Variants in RBMS2 observed in about 807,000 individuals in gnomAD.
The protein encoded by RBMS2 is RNA-binding motif, single-stranded-interacting protein 2.
A neutral mutation model predicts 58.4 loss-of-function variants in RBMS2; 38 were observed. The observed-to-expected ratio is 0.65, with a 90% CI of 0.50 to 0.85. The LOEUF (loss-of-function observed/expected upper bound fraction) is 0.85. RBMS2 is among the 40% of genes least tolerant of loss of function. The pLI is 0.00. For synonymous variants in RBMS2, 151 were observed against 180.7 expected (o/e 0.84, Z 1.32); for missense variants, 367 against 503.7 (o/e 0.73, Z 2.60).
At chr12:56,580,375 G>A (rs1486213656) in intron 5 of RBMS2, 3 of 335,086 alleles carry the variant, frequency 9.0e-6, no homozygotes, top group African/African-American at 6.9e-5. Flanking sequence ...TGGGACTACA[G>A]GCAAGTGCCA....
intron 1 of RBMS2, among the ~76,000 whole-genome samples, chr12:56,555,789 C>T (rs1879127532): frequency 2.6e-5 from 4 of 151,988 alleles, no homozygotes; most frequent in Non-Finnish European, 2.9e-5. Flanking sequence ...GGGGGTCTCA[C>T]CATGTTGCCC....
chr12:56,574,028 A>T (rs1269528443), intron 5 of RBMS2, among the ~76,000 whole-genome samples: 1 of 152,118 alleles, frequency 6.6e-6, no homozygotes, highest in East Asian at 1.9e-4. Flanking sequence ...TTTAGTAAAG[A>T]TGTGGTTTCA....
chr12:56,547,241 C>G (rs10876907), intron 1 of RBMS2, among the ~76,000 whole-genome samples: 143,538 of 152,062 alleles, frequency 0.94, 68,124 homozygotes, highest in East Asian at 1. Flanking sequence ...TGTAATCCCA[C>G]CTACTCAGGA....
In RBMS2 at chr12:56,592,099, G is replaced by A. The variant is rs970306713; in HGVS notation, c.*2966G>A. The A allele has an allele frequency of 6.6e-6, 1 of 152,196 alleles. No individual in the cohort carries two copies. The highest frequency in any genetic ancestry group is 2.4e-5 in the African/African-American group (1 of 41,438). 9.4% of individuals were successfully genotyped at this position (152,196 alleles called of 1,614,324 possible). On this transcript the variant is annotated 3_prime_UTR_variant, in exon 14 of 14. Coordinates refer to ENST00000262031, the MANE Select transcript of RBMS2 (RefSeq NM_002898.4). ...CCCATGAAATAGTCTAATTGGTTGGGTTGATGGCAGAAGGAAACATAGGGG... is the reference window on the plus strand; with the variant it reads ...CCCATGAAATAGTCTAATTGGTTGGATTGATGGCAGAAGGAAACATAGGGG...
At position 56,593,696 on chromosome 12, in the gene RBMS2, G is replaced by T. The variant is rs1175508615; in HGVS notation, c.*4563G>T. The T allele has an allele frequency of 2.6e-5, 4 of 152,040 alleles. No individual in the cohort carries two copies. Among genetic ancestry groups the T allele is most frequent in the Non-Finnish European group, 1.5e-5 (1 of 68,140 alleles). The allele number at this position is 152,040 out of a possible 1,614,324, so 9.4% of individuals were successfully genotyped here. On this transcript the variant is annotated 3_prime_UTR_variant, in exon 14 of 14. Transcript: ENST00000262031. ...TGAGTAGCTGGGATTACAGGTGCCTGCCACCATGCCTGGCTAATTTTTGTA... is the reference window on the plus strand; with the variant it reads ...TGAGTAGCTGGGATTACAGGTGCCTTCCACCATGCCTGGCTAATTTTTGTA...
chr12:56,573,095 G>A, intron 5 of RBMS2: 1 of 965,392 alleles, frequency 1.0e-6, no homozygotes, highest in South Asian at 4.8e-5. Flanking sequence ...ACTGGACTAA[G>A]TGAGCCAAGC....
chr12:56,586,203 G>T (rs572806252), intron 9 of RBMS2, among the ~76,000 whole-genome samples: 1 of 152,022 alleles, frequency 6.6e-6, no homozygotes, highest in African/African-American at 2.4e-5. Flanking sequence ...ATGGTGGCGG[G>T]CACCTGTAGT....
chr12:56,562,289 G>A, intron 1 of RBMS2, 128 bp from the exon 2 acceptor site: 3 of 858,762 alleles, frequency 3.5e-6, no homozygotes, highest in South Asian at 1.8e-5. Flanking sequence ...AACTATGTGT[G>A]TCCAAGTGAG....
intron 1 of RBMS2, among the ~76,000 whole-genome samples, chr12:56,558,590 C>CCTTT (rs1879760384): frequency 1.1e-5 from 1 of 92,198 alleles, no homozygotes; most frequent in Non-Finnish European, 2.0e-5. Context: ...TTTCTTTTTC[C>CCTTT]TTTTTTTTTT....
intron 1 of RBMS2, among the ~76,000 whole-genome samples, chr12:56,548,213 A>T (rs1042102988): frequency 6.6e-6 from 1 of 151,890 alleles, no homozygotes; most frequent in Non-Finnish European, 1.5e-5. Flanking sequence ...GGAGGCTGCC[A>T]AGGTGGGCAG....
Position 56,592,640 on chromosome 12 carries a change from A to C in RBMS2, c.*3507A>C, listed in dbSNP as rs1885383974. ...ATTCTCCTGCCTCAGCCTCCCATGT[A>C]GCTGGGATTACAGGCACCCACCACC... On this transcript the variant is annotated 3_prime_UTR_variant, in exon 14 of 14. Coordinates refer to ENST00000262031, the MANE Select transcript of RBMS2 (RefSeq NM_002898.4). 1 of 151,944 alleles carries C rather than the reference A, an allele frequency of 6.6e-6. No homozygotes were observed. Among genetic ancestry groups the C allele is most frequent in the African/African-American group, 2.4e-5 (1 of 41,284 alleles). The allele number at this position is 151,944 out of a possible 1,614,324, so 9.4% of individuals were successfully genotyped here.
At chr12:56,571,165 C>G (rs1285455083) in intron 4 of RBMS2, among the ~76,000 whole-genome samples, 1 of 152,212 alleles carries the variant, frequency 6.6e-6, no homozygotes, top group African/African-American at 2.4e-5. Context: ...GGTTTAGGAG[C>G]CTTCAGGGTC....
Position 56,589,256 on chromosome 12 carries a change from A to G in RBMS2, c.*123A>G, listed in dbSNP as rs1437795379. 12 of 1,458,528 alleles carry G rather than the reference A, an allele frequency of 8.2e-6. No individual in the cohort carries two copies. The East Asian group carries it at 2.1e-4, about 25-fold the overall frequency. 90.3% of individuals were successfully genotyped at this position (1,458,528 alleles called of 1,614,324 possible). On this transcript the variant is annotated 3_prime_UTR_variant, in exon 14 of 14. Coordinates refer to ENST00000262031, the MANE Select transcript of RBMS2 (RefSeq NM_002898.4). The stretch of plus-strand genomic sequence containing the variant: ...TCCGTCGGCCCTGCTAAGGACTAAC[A>G]CTTAGCCATCGTTTTTCACAGGCCT...
At chr12:56,570,114 C>A in intron 4 of RBMS2, 124 bp downstream of exon 4, 1 of 811,722 alleles carries the variant, frequency 1.2e-6, no homozygotes, top group Non-Finnish European at 2.0e-6. Flanking sequence ...ATCCGTGGTG[C>A]TTTCTAGACA....
At chr12:56,579,176 G>C (rs1473589932) in intron 5 of RBMS2, among the ~76,000 whole-genome samples, 2 of 152,140 alleles carry the variant, frequency 1.3e-5, no homozygotes, top group African/African-American at 4.8e-5. Flanking sequence ...AGGAAGATCA[G>C]ATTTAACAGT....
intron 1 of RBMS2, among the ~76,000 whole-genome samples, chr12:56,536,141 A>C (rs1214298978): frequency 2.8e-5 from 4 of 144,626 alleles, no homozygotes; most frequent in African/African-American, 1.0e-4. Flanking sequence ...TGGATTTTGC[A>C]GTGAGCTGAG....
chr12:56,568,537 T>C (rs942464972), intron 2 of RBMS2, among the ~76,000 whole-genome samples: 9 of 150,368 alleles, frequency 6.0e-5, no homozygotes, highest in African/African-American at 2.2e-4. Context: ...TTTCTTTTTT[T>C]TCTTTTTTTT....
intron 1 of RBMS2, among the ~76,000 whole-genome samples, chr12:56,531,105 T>C (rs1482293914): frequency 6.6e-6 from 1 of 152,196 alleles, no homozygotes; most frequent in Non-Finnish European, 1.5e-5. Context: ...CCATAATGTT[T>C]TATGCTTCTT....
upstream of RBMS2, among the ~76,000 whole-genome samples, chr12:56,521,273 T>C (rs1871685287): frequency 6.6e-6 from 1 of 151,706 alleles, no homozygotes; most frequent in African/African-American, 2.4e-5. Flanking sequence ...TACTAAAAAA[T>C]ACAAAAATCA....
Sources: gnomAD v4.1 joint callset for allele counts (sites outside exome capture counted in the v4.1 genomes callset) on GRCh38, gnomAD v4.1.1 for gene constraint, MANE v1.5 for transcripts, NCBI Gene and HGNC (gene_info 2026-07-23, HGNC 2026-07-21) for gene names.